Variants in HMCN2 observed in about 807,000 individuals in gnomAD.
The protein encoded by HMCN2 is hemicentin-2.
In HMCN2, 325 loss-of-function variants were observed where a neutral mutation model predicts 377.5. That is an observed-to-expected ratio of 0.86 (90% CI 0.79 to 0.94). HMCN2 has a LOEUF of 0.94. HMCN2 is among the 40% of genes least tolerant of loss of function. The pLI is 0.00. For synonymous variants in HMCN2, 2,007 were observed against 2,046.8 expected (o/e 0.98, Z 0.53); for missense variants, 4,543 against 4,725.3 (o/e 0.96, Z 1.13).
rs1840232732 is a variant in HMCN2 at position 130,359,346 on chromosome 9, T to A, written c.5705T>A (p.Val1902Asp). 1.5e-6 allele frequency: 2 copies of A among 1,303,738 alleles called. No homozygotes were observed. Among genetic ancestry groups the A allele is most frequent in the African/African-American group, 3.0e-5 (2 of 65,780 alleles). 80.8% of individuals were successfully genotyped at this position (1,303,738 alleles called of 1,614,324 possible). A position where few individuals can be genotyped will look rare whatever the true frequency, so the allele number is the denominator to read the frequency against. Reference sequence around the variant, plus strand: ...CCCCCCAACATCGAGCCAGGCCCAGTCAACAAGGCAGTGCTGGAAAATGCC... The same window carrying A: ...CCCCCCAACATCGAGCCAGGCCCAGACAACAAGGCAGTGCTGGAAAATGCC... Reference protein sequence around the residue: ...LVPPNIEPGPVNKAVLENASV... With the variant: ...LVPPNIEPGPDNKAVLENASV... The change falls in exon 37 of 98, where the codon GTC becomes GAC. Residue 1902 changes from valine (V) to aspartate (D), a missense_variant. By Grantham distance (152) the Val-to-Asp change is radical. Around this residue, in one of 5 missense-constraint regions of HMCN2, gnomAD observed 1,032 missense variants for 1,285.1 expected, o/e 0.80. Coordinates refer to ENST00000683500, the MANE Select transcript of HMCN2 (RefSeq NM_001291815.2).
Position 130,373,100 on chromosome 9 carries a change from G to A in HMCN2, c.7414G>A (p.Ala2472Thr). The change falls in exon 48 of 98, where the codon GCC becomes ACC. Residue 2472 changes from alanine (A) to threonine (T), a missense_variant. Physicochemically the swap from Ala to Thr is moderately conservative, Grantham distance 58. This residue lies in a region of HMCN2 where 1,032 missense variants were observed against 1,285.1 expected (regional missense o/e 0.80). Coordinates refer to ENST00000683500, the MANE Select transcript of HMCN2 (RefSeq NM_001291815.2). ...GATCAAGGTCCTTGATGGACAGACT[G>A]CCCATCTTATGTGCAACGTCACAGG... ...EVIKVLDGQT[A>T]HLMCNVTGHP... The A allele has an allele frequency of 2.0e-6, 2 of 981,660 alleles. No individual in the cohort carries two copies. Among genetic ancestry groups the A allele is most frequent in the Non-Finnish European group, 1.2e-6 (1 of 828,634 alleles). 60.8% of individuals were successfully genotyped at this position (981,660 alleles called of 1,614,324 possible). A position where few individuals can be genotyped will look rare whatever the true frequency, so the allele number is the denominator to read the frequency against.
rs782725223 is a variant in HMCN2, at chr9:130,310,033, C to T, written c.2322C>T (p.Ala774=). The T allele has an allele frequency of 3.7e-6, 2 of 533,650 alleles. No homozygotes were observed. Among genetic ancestry groups the T allele is most frequent in the Non-Finnish European group, 7.7e-6 (2 of 259,550 alleles). The allele number at this position is 533,650 out of a possible 1,614,324, so 33.1% of individuals were successfully genotyped here. Residue 774 remains alanine (A), a synonymous_variant, in exon 15 of 98, where the codon GCC becomes GCT. Coordinates refer to ENST00000683500, the MANE Select transcript of HMCN2 (RefSeq NM_001291815.2). The part of the protein sequence containing the change: ...TCRAVNELGD[A]SAEIQLAVGH... ...GGGCTGTCAATGAGTTGGGTGACGC[C>T]TCTGCAGAAATCCAGCTGGCGGTTG...
chr9:130,358,063 A>G (rs1459877377), intron 35 of HMCN2, 75 bp downstream of exon 35: 15 of 1,188,274 alleles, frequency 1.3e-5, no homozygotes, highest in Non-Finnish European at 1.6e-5. Flanking sequence ...CTTCCTGGAG[A>G]CTCTGAGCAA....
At chr9:130,424,516 C>G (rs1353150340) in intron 87 of HMCN2, among the ~76,000 whole-genome samples, 2 of 152,130 alleles carry the variant, frequency 1.3e-5, no homozygotes, top group Non-Finnish European at 2.9e-5. Context: ...TTTGTAGAGA[C>G]AGAGTCTCAC....
At chr9:130,380,716 G>A (rs1178222101) in intron 54 of HMCN2, among the ~76,000 whole-genome samples, 1 of 151,668 alleles carries the variant, frequency 6.6e-6, no homozygotes, top group African/African-American at 2.4e-5. Context: ...AAGCCCAGGA[G>A]GTCAAGGCTT....
At chr9:130,317,067 GCT>G (rs1837598439) in intron 15 of HMCN2, among the ~76,000 whole-genome samples, 1 of 151,910 alleles carries the variant, frequency 6.6e-6, no homozygotes, top group African/African-American at 2.4e-5. Context: ...CTGGGATTTG[GCT>G]CTCTTGCAAG....
intron 29 of HMCN2, among the ~76,000 whole-genome samples, chr9:130,350,552 G>A (rs564864060): frequency 5.3e-5 from 8 of 149,886 alleles, no homozygotes; most frequent in South Asian, 2.1e-4. Context: ...GCAAGACTCC[G>A]TCCAAAAAAA....
chr9:130,385,673 A>T lies in HMCN2; in HGVS notation c.9220A>T (p.Thr3074Ser). 6 of 1,304,154 alleles carry T rather than the reference A, an allele frequency of 4.6e-6. No individual in the cohort carries two copies. The highest frequency in any genetic ancestry group is 6.1e-6 in the Non-Finnish European group (6 of 988,910). The allele number at this position is 1,304,154 out of a possible 1,614,324, so 80.8% of individuals were successfully genotyped here. ...ETDALPEPTVTWYKDGQPLVL... is the reference protein window; with the variant it reads ...ETDALPEPTVSWYKDGQPLVL... ...AGATGCGCTCCCTGAGCCAACTGTG[A>T]CCTGGTACAAGGATGGGCAGCCCCT... is the stretch of plus-strand genomic sequence containing the variant. The change falls in exon 60 of 98, where the codon ACC (threonine) becomes TCC (serine). Residue 3074 changes from threonine (T) to serine (S), a missense_variant. Coordinates refer to ENST00000683500, the MANE Select transcript of HMCN2 (RefSeq NM_001291815.2).
rs961600092 is a variant in HMCN2, at chr9:130,391,560, C to T, written c.9938C>T (p.Thr3313Met). 64 of 987,364 alleles carry T rather than the reference C, an allele frequency of 6.5e-5. No individual in the cohort carries two copies. The highest frequency in any genetic ancestry group is 2.3e-4 in the East Asian group (2 of 8,802). The allele number at this position is 987,364 out of a possible 1,614,324, so 61.2% of individuals were successfully genotyped here. The change falls in exon 65 of 98, where the codon ACG becomes ATG. Residue 3313 changes from threonine to methionine, a missense_variant. Coordinates refer to ENST00000683500, the MANE Select transcript of HMCN2 (RefSeq NM_001291815.2). ...GCCGGGGAGGACGCCAGGCTGCACA[C>T]GGTGAATGTGCTGGGTGAGGAGCCC... ...NPAGEDARLH[T>M]VNVLVPPTIK...
intron 62 of HMCN2, among the ~76,000 whole-genome samples, chr9:130,388,958 C>T (rs911212706): frequency 3.3e-5 from 5 of 152,242 alleles, no homozygotes; most frequent in African/African-American, 1.2e-4. Flanking sequence ...ATCCCCCATC[C>T]AGGCCTCCCC....
rs202027913 is a variant in HMCN2, at chr9:130,432,536, C to T, written c.14875C>T (p.Arg4959Trp). ...CVDTPCPATY[R>W]QGPSPGTCFR... Reference sequence around the variant, plus strand: ...GGACACACCCTGTCCTGCCACCTACCGGCAGGGCCCCAGCCCTGGGTAAGG... The same window carrying T: ...GGACACACCCTGTCCTGCCACCTACTGGCAGGGCCCCAGCCCTGGGTAAGG... The change falls in exon 97 of 98, where the codon CGG becomes TGG. Residue 4959 changes from arginine (R) to tryptophan (W), a missense_variant. Around this residue, in one of 5 missense-constraint regions of HMCN2, gnomAD observed 1,155 missense variants for 1,157.7 expected, o/e 1.00. Transcript: ENST00000683500. 296 of 1,550,572 alleles carry T rather than the reference C, an allele frequency of 1.9e-4. No individual in the cohort carries two copies. Among genetic ancestry groups the T allele is most frequent in the Admixed American group, 9.8e-5 (5 of 51,006 alleles).
In HMCN2 at chr9:130,423,251, A is replaced by G. The variant is rs941752969; in HGVS notation, c.13381+525A>G. Among the ~76,000 whole-genome samples, 4 of 152,102 alleles carry G rather than the reference A, an allele frequency of 2.6e-5. No homozygotes were observed. Among genetic ancestry groups the G allele is most frequent in the South Asian group, 4.2e-4 (2 of 4,814 alleles). ...GTCTGAGCGATGAATGCTCTGAGAG[A>G]CTTGCAGAGCTTGTGACAGTGGACG... On this transcript the variant is annotated intron_variant, in intron 87 of 97. Transcript: ENST00000683500. The surrounding 1 kb of genome is among the most constrained non-coding windows in gnomAD (Gnocchi z 5.5).
chr9:130,268,329 C>A (rs1293910312), intron 1 of HMCN2, among the ~76,000 whole-genome samples: 1 of 152,242 alleles, frequency 6.6e-6, no homozygotes, highest in Non-Finnish European at 1.5e-5. Context: ...AAACAAAAAT[C>A]CAGTTCTCCA....
chr9:130,312,505 G>GTCCCTCTCTCCCTCCCTCCC (rs1837300435), intron 15 of HMCN2, among the ~76,000 whole-genome samples: 2 of 6,012 alleles, frequency 3.3e-4, no homozygotes, highest in Admixed American at 1.3e-3. Flanking sequence ...CTTTCTTTCT[G>GTCCCTCTCTCCCTCCCTCCC]TCCCTCCCTC....
In HMCN2 at chr9:130,432,549, G is replaced by A. The variant is rs1844825788; in HGVS notation, c.14888G>A (p.Ser4963Asn). The A allele has an allele frequency of 1.9e-6, 3 of 1,550,436 alleles. No individual in the cohort carries two copies. Among genetic ancestry groups the A allele is most frequent in the Non-Finnish European group, 2.6e-6 (3 of 1,146,952 alleles). Reference sequence around the variant, plus strand: ...CCTGCCACCTACCGGCAGGGCCCCAGCCCTGGGTAAGGGCTGAGTTGGCAG... The same window carrying A: ...CCTGCCACCTACCGGCAGGGCCCCAACCCTGGGTAAGGGCTGAGTTGGCAG... ...PCPATYRQGP[S>N]PGTCFRRCSQ... The change falls in exon 97 of 98, where the codon AGC becomes AAC. Residue 4963 changes from serine to asparagine, a missense_variant. By Grantham distance (46) the Ser-to-Asn change is conservative. This residue lies in a region of HMCN2 where 1,155 missense variants were observed against 1,157.7 expected (regional missense o/e 1.00). Coordinates refer to ENST00000683500, the MANE Select transcript of HMCN2 (RefSeq NM_001291815.2).
chr9:130,409,849 C>G (rs571731466), intron 84 of HMCN2, among the ~76,000 whole-genome samples: 3 of 152,200 alleles, frequency 2.0e-5, no homozygotes, highest in Non-Finnish European at 4.4e-5. Flanking sequence ...TGCTATCCCC[C>G]CCAGTCCCTT....
intron 75 of HMCN2, 21 bp from the exon 76 acceptor site, chr9:130,399,490 C>T: frequency 1.6e-6 from 2 of 1,262,000 alleles, no homozygotes; most frequent in South Asian, 1.3e-5. Context: ...AGCCACTTGG[C>T]CGTCTGTCTG....
chr9:130,314,253 G>T (rs1283208135), intron 15 of HMCN2, among the ~76,000 whole-genome samples: 1 of 152,172 alleles, frequency 6.6e-6, no homozygotes, highest in East Asian at 1.9e-4. Context: ...AAATGGGCTG[G>T]GCTCTGTGGC....
chr9:130,417,870 C>G (rs1180989602), intron 85 of HMCN2, among the ~76,000 whole-genome samples: 1 of 152,220 alleles, frequency 6.6e-6, no homozygotes, highest in Non-Finnish European at 1.5e-5. Context: ...CGTTGCATTT[C>G]CACCTCAGTG....
Sources: allele counts gnomAD v4.1 joint callset (sites outside exome capture counted in the v4.1 genomes callset), GRCh38; gene constraint gnomAD v4.1.1; regional missense constraint gnomAD v4.1.1; non-coding constraint Gnocchi (gnomAD v3.1); transcripts MANE v1.5; gene names NCBI Gene and HGNC (gene_info 2026-07-23, HGNC 2026-07-21).